Variants in GRM1 observed in about 807,000 individuals in gnomAD.
The protein encoded by GRM1 is metabotropic glutamate receptor 1.
GRM1 carries 33 observed loss-of-function variants against 90.9 expected under a neutral mutation model. That is an observed-to-expected ratio of 0.36 (90% CI 0.28 to 0.49). GRM1 has a LOEUF of 0.49. Ranked by LOEUF, GRM1 falls within the 20% of genes least tolerant of loss-of-function variation. The probability of loss-of-function intolerance (pLI) is 0.99; values close to 1 mark genes in which losing one functional copy is unlikely to be tolerated. For synonymous variants in GRM1, 700 were observed against 613.2 expected (o/e 1.14, Z -2.09); for missense variants, 1,190 against 1,534.3 (o/e 0.78, Z 3.75).
At chr6:146,120,685 A>G (rs912827643) in intron 1 of GRM1, among the ~76,000 whole-genome samples, 3 of 152,200 alleles carry the variant, frequency 2.0e-5, no homozygotes, top group African/African-American at 4.8e-5. Context: ...TTCTGCATCT[A>G]TTGAGATAAT....
intron 2 of GRM1, among the ~76,000 whole-genome samples, chr6:146,207,834 T>G (rs1779545847): frequency 1.3e-5 from 2 of 152,186 alleles, no homozygotes; most frequent in African/African-American, 4.8e-5. Context: ...CTGAGCCTAT[T>G]TTATTATCCC....
At chr6:146,369,699 AT>A (rs1222356645) in intron 5 of GRM1, among the ~76,000 whole-genome samples, 3 of 151,514 alleles carry the variant, frequency 2.0e-5, no homozygotes, top group African/African-American at 4.8e-5. Context: ...TATAATTTTG[AT>A]TTTTTTTCTG....
chr6:146,043,874 A>T (rs1409559123), intron 1 of GRM1, among the ~76,000 whole-genome samples: 2 of 149,768 alleles, frequency 1.3e-5, no homozygotes, highest in African/African-American at 4.9e-5. Flanking sequence ...TATGAAGCAG[A>T]TGGTAATGAC....
intron 6 of GRM1, 146 bp downstream of exon 6, chr6:146,387,162 T>C: frequency 1.2e-6 from 1 of 801,516 alleles, no homozygotes. Context: ...GGAGTATACA[T>C]AAACCTCATA....
intron 2 of GRM1, among the ~76,000 whole-genome samples, chr6:146,280,136 C>T (rs1782514413): frequency 6.6e-6 from 1 of 152,008 alleles, no homozygotes; most frequent in African/African-American, 2.4e-5. Context: ...CACATTTCTG[C>T]CACCCTGAAC....
intron 2 of GRM1, among the ~76,000 whole-genome samples, chr6:146,251,101 C>A (rs1357466491): frequency 6.6e-6 from 1 of 152,128 alleles, no homozygotes; most frequent in African/African-American, 2.4e-5. Context: ...ATACAATAAG[C>A]CTAAGTGAAA....
At chr6:146,320,220 A>C (rs909934872) in intron 3 of GRM1, among the ~76,000 whole-genome samples, 1 of 152,152 alleles carries the variant, frequency 6.6e-6, no homozygotes, top group African/African-American at 2.4e-5. Flanking sequence ...TATTGAGATA[A>C]TCATGTGGTT....
At chr6:146,031,503 G>A (rs1439327276) in intron 1 of GRM1, among the ~76,000 whole-genome samples, 1 of 151,988 alleles carries the variant, frequency 6.6e-6, no homozygotes, top group South Asian at 2.1e-4. Context: ...ACTTTATAAA[G>A]GGAACAGAAT....
At chr6:146,319,547 A>G (rs1220038483) in intron 3 of GRM1, among the ~76,000 whole-genome samples, 6 of 152,180 alleles carry the variant, frequency 3.9e-5, no homozygotes, top group Non-Finnish European at 7.3e-5. Flanking sequence ...GAATCTATAA[A>G]TTACCTTGGG....
At chr6:146,236,590 T>C (rs1198061488) in intron 2 of GRM1, among the ~76,000 whole-genome samples, 3 of 152,158 alleles carry the variant, frequency 2.0e-5, no homozygotes, top group Non-Finnish European at 4.4e-5. Context: ...AGGGTTCTTC[T>C]TCTCCCTTCA....
At chr6:146,190,271 A>G (rs1778891323) in intron 2 of GRM1, among the ~76,000 whole-genome samples, 1 of 152,216 alleles carries the variant, frequency 6.6e-6, no homozygotes, top group Non-Finnish European at 1.5e-5. Flanking sequence ...AGAGCCACAA[A>G]TAAGCATGGA....
intron 1 of GRM1, among the ~76,000 whole-genome samples, chr6:146,135,802 A>G (rs1776595876): frequency 6.6e-6 from 1 of 151,800 alleles, no homozygotes; most frequent in African/African-American, 2.4e-5. Flanking sequence ...ATCCAATTCT[A>G]CTCTTTATTT....
intron 5 of GRM1, among the ~76,000 whole-genome samples, chr6:146,367,945 A>G (rs1775755323): frequency 6.6e-6 from 1 of 151,588 alleles, no homozygotes; most frequent in Non-Finnish European, 1.5e-5. Context: ...AAATCTGTAG[A>G]TCACTTTGGG....
intron 2 of GRM1, among the ~76,000 whole-genome samples, chr6:146,267,184 C>T (rs1781921574): frequency 6.6e-6 from 1 of 152,148 alleles, no homozygotes; most frequent in African/African-American, 2.4e-5. Flanking sequence ...TAATGGCTTC[C>T]GGCTCCAGCC....
At chr6:146,365,830 A>G (rs1006525797) in intron 5 of GRM1, among the ~76,000 whole-genome samples, 4 of 152,198 alleles carry the variant, frequency 2.6e-5, no homozygotes, top group African/African-American at 9.7e-5. Context: ...GACGAGGACC[A>G]GAGTGAGGCA....
chr6:146,199,000 C>CACT (rs1779212940), intron 2 of GRM1, among the ~76,000 whole-genome samples: 1 of 152,192 alleles, frequency 6.6e-6, no homozygotes, highest in Non-Finnish European at 1.5e-5. Flanking sequence ...AGAGGAAAAG[C>CACT]ACTCTTCCAT....
chr6:146,295,170 T>C (rs1247777522), intron 2 of GRM1, among the ~76,000 whole-genome samples: 1 of 152,024 alleles, frequency 6.6e-6, no homozygotes, highest in African/African-American at 2.4e-5. Context: ...TTTTAATCAG[T>C]ATTTAATTTT....
chr6:146,042,556 G>T (rs79690664), intron 1 of GRM1, among the ~76,000 whole-genome samples: 26 of 152,104 alleles, frequency 1.7e-4, no homozygotes, highest in African/African-American at 6.3e-4. Context: ...ATGTAGTGAA[G>T]TTCGGGAAAG....
At chr6:146,421,765 T>A (rs1234728356) in intron 7 of GRM1, among the ~76,000 whole-genome samples, 3 of 152,114 alleles carry the variant, frequency 2.0e-5, no homozygotes, top group Admixed American at 2.0e-4. Context: ...AAAGACTGCA[T>A]TGTGCATATA....
Sources: gnomAD v4.1 joint callset for allele counts (sites outside exome capture counted in the v4.1 genomes callset) on GRCh38, gnomAD v4.1.1 for gene constraint, MANE v1.5 for transcripts, NCBI Gene and HGNC (gene_info 2026-07-23, HGNC 2026-07-21) for gene names.